NAF1: variants seen among roughly 807,000 people sequenced by gnomAD.
NAF1 encodes H/ACA ribonucleoprotein complex non-core subunit NAF1.
NAF1 carries 11 observed loss-of-function variants against 40.6 expected under a neutral mutation model. The observed-to-expected ratio is 0.27, with a 90% confidence interval of 0.17 to 0.45. The LOEUF is 0.45. NAF1 is among the 20% of genes least tolerant of loss of function. The probability of loss-of-function intolerance (pLI) is 1.00; values close to 1 mark genes in which losing one functional copy is unlikely to be tolerated. For missense variants in NAF1, 607 were observed against 611.1 expected (o/e 0.99, Z 0.07); for synonymous variants, 260 against 228.5 (o/e 1.14, Z -1.24).
chr4:163,126,971 A>T, downstream of NAF1: 1 of 1,547,502 alleles, frequency 6.5e-7, no homozygotes. Context: ...GTTTTTTTAG[A>T]CACAATGCTA....
chr4:163,162,883 G>C lies in NAF1; in HGVS notation c.540+1334C>G, dbSNP rs145716117. Among the ~76,000 whole-genome samples, 986 of 152,240 alleles carry C rather than the reference G, an allele frequency of 6.5e-3. 6 individuals carry two copies. The highest frequency in any genetic ancestry group is 0.023 in the African/African-American group (954 of 41,532). Reference sequence around the variant, plus strand: ...AGAACTTGTTCTTGGACTCCTTGTGGCCACAAATCCTTTTTGATCTTCTGA... The same window carrying C: ...AGAACTTGTTCTTGGACTCCTTGTGCCCACAAATCCTTTTTGATCTTCTGA... On this transcript the variant is annotated intron_variant, in intron 2 of 7. Coordinates refer to ENST00000274054, the MANE Select transcript of NAF1 (RefSeq NM_138386.3).
At chr4:163,164,044 C>G (rs1001753846) in intron 2 of NAF1, among the ~76,000 whole-genome samples, 173 bp downstream of exon 2, 2 of 152,136 alleles carry the variant, frequency 1.3e-5, no homozygotes, top group African/African-American at 2.4e-5. Flanking sequence ...AAGAAATTAT[C>G]CAGATCACTA....
At chr4:163,132,722 A>G (rs1046356630) in intron 7 of NAF1, among the ~76,000 whole-genome samples, 1 of 152,216 alleles carries the variant, frequency 6.6e-6, no homozygotes, top group African/African-American at 2.4e-5. Context: ...ACTGGGGGAA[A>G]CTGAATAAAG....
At chr4:163,137,334 A>G (rs1264615441) in intron 5 of NAF1, 84 bp from the exon 6 acceptor site, 8 of 1,421,666 alleles carry the variant, frequency 5.6e-6, no homozygotes, top group Non-Finnish European at 7.6e-6. Context: ...AGAAAATAAT[A>G]AAGTAAAGGA....
At chr4:163,132,564 G>A (rs1730911449) in intron 7 of NAF1, among the ~76,000 whole-genome samples, 1 of 152,200 alleles carries the variant, frequency 6.6e-6, no homozygotes, top group African/African-American at 2.4e-5. Flanking sequence ...ATGAGTGAAG[G>A]AGGGGCTGAG....
chr4:163,115,121 G>A (rs1456278316), intron 2 of NAF1, among the ~76,000 whole-genome samples: 1 of 151,576 alleles, frequency 6.6e-6, no homozygotes, highest in African/African-American at 2.4e-5. Context: ...GGATCATTAG[G>A]ACCACAGGCA....
At chr4:163,149,709 T>C (rs891921809) in intron 2 of NAF1, among the ~76,000 whole-genome samples, 1 of 152,190 alleles carries the variant, frequency 6.6e-6, no homozygotes, top group South Asian at 2.1e-4. Flanking sequence ...GAAAGCCTTA[T>C]CTTGGGAAGA....
At chr4:163,164,719 T>C (rs1433626378) in intron 1 of NAF1, among the ~76,000 whole-genome samples, 1 of 152,198 alleles carries the variant, frequency 6.6e-6, no homozygotes, top group African/African-American at 2.4e-5. Flanking sequence ...TAAGCAAGCA[T>C]GTGACAAACC....
At chr4:163,114,600 A>G (rs907199227) in intron 2 of NAF1, among the ~76,000 whole-genome samples, 14 of 152,044 alleles carry the variant, frequency 9.2e-5, no homozygotes. Context: ...TCTTCTTTTT[A>G]TATTTGCTGT....
chr4:163,153,651 G>C (rs933179763), intron 2 of NAF1, among the ~76,000 whole-genome samples: 6 of 152,192 alleles, frequency 3.9e-5, no homozygotes, highest in Non-Finnish European at 8.8e-5. Flanking sequence ...TAACTAATCT[G>C]ATGGGGACAT....
At chr4:163,159,253 A>C (rs1732119802) in intron 2 of NAF1, among the ~76,000 whole-genome samples, 1 of 152,140 alleles carries the variant, frequency 6.6e-6, no homozygotes, top group Non-Finnish European at 1.5e-5. Flanking sequence ...TTAATTTAAA[A>C]AACCCTGAGT....
intron 4 of NAF1, among the ~76,000 whole-genome samples, chr4:163,143,356 A>G (rs1351562427): frequency 6.6e-6 from 1 of 152,210 alleles, no homozygotes; most frequent in Non-Finnish European, 1.5e-5. Flanking sequence ...CAAGCAGAGA[A>G]GATATAGAGT....
At chr4:163,104,761 TC>T in the NAF1 span, among the ~76,000 whole-genome samples, 1 of 152,222 alleles carries the variant, frequency 6.6e-6, no homozygotes, top group South Asian at 2.1e-4. Flanking sequence ...TCCATAAGAA[TC>T]CTGGCAAAGC....
At chr4:163,163,553 T>C (rs751724104) in intron 2 of NAF1, among the ~76,000 whole-genome samples, 1 of 152,076 alleles carries the variant, frequency 6.6e-6, no homozygotes, top group Non-Finnish European at 1.5e-5. Context: ...GCTTTCCTCT[T>C]GGGTCATAGG....
At chr4:163,115,963 A>G (rs748614535) in intron 2 of NAF1, among the ~76,000 whole-genome samples, 16 of 152,248 alleles carry the variant, frequency 1.1e-4, no homozygotes, top group Non-Finnish European at 2.2e-4. Flanking sequence ...ATTATCATGT[A>G]TACTAATATC....
At chr4:163,136,645 C>G (rs1367286292) in intron 6 of NAF1, among the ~76,000 whole-genome samples, 2 of 152,058 alleles carry the variant, frequency 1.3e-5, no homozygotes, top group African/African-American at 4.8e-5. Flanking sequence ...ACTAGATTAT[C>G]AAGTCACCTT....
chr4:163,109,977 T>C, downstream of NAF1: 4 of 362,992 alleles, frequency 1.1e-5, no homozygotes, highest in Non-Finnish European at 2.0e-5. Context: ...CTTACTTTTG[T>C]ATGTCTCTCA....
chr4:163,128,581 G>T, downstream of NAF1: 1 of 269,154 alleles, frequency 3.7e-6, no homozygotes, highest in Non-Finnish European at 5.6e-6. Flanking sequence ...TTTTACCCAT[G>T]ATGAAACTTG....
chr4:163,147,749 A>G (rs1731529489), intron 3 of NAF1, among the ~76,000 whole-genome samples: 1 of 152,218 alleles, frequency 6.6e-6, no homozygotes, highest in Non-Finnish European at 1.5e-5. Flanking sequence ...ATCCTGGATT[A>G]TGCAGGTAAA....
Sources: gnomAD v4.1 joint callset for allele counts (sites outside exome capture counted in the v4.1 genomes callset) on GRCh38, gnomAD v4.1.1 for gene constraint, MANE v1.5 for transcripts, NCBI Gene and HGNC (gene_info 2026-07-23, HGNC 2026-07-21) for gene names.